The following LRRC7 variants were observed in gnomAD, a reference collection of about 807,000 sequenced individuals.
LRRC7 encodes leucine-rich repeat-containing protein 7.
LRRC7 carries 23 observed loss-of-function variants against 175.7 expected under a neutral mutation model. The ratio of observed to expected loss-of-function variants is 0.13; its 90% CI spans 0.09 to 0.19. The LOEUF (loss-of-function observed/expected upper bound fraction) is 0.19. Ranked by LOEUF, LRRC7 falls within the 10% of genes least tolerant of loss-of-function variation. The pLI, the probability that LRRC7 is intolerant of heterozygous loss-of-function variation, is 1.00. For missense variants in LRRC7, 1,354 were observed against 1,904.7 expected, an observed-to-expected ratio of 0.71 and a Z score of 5.38; for synonymous variants, 685 against 680.9, an observed-to-expected ratio of 1.01 and a Z score of -0.09.
intron 2 of LRRC7, among the ~76,000 whole-genome samples, chr1:69,728,404 C>A (rs1017020120): frequency 5.3e-5 from 8 of 152,084 alleles, no homozygotes; most frequent in Middle Eastern, 6.3e-3. Context: ...AGAAATGAAG[C>A]TACATTAAAG....
intron 25 of LRRC7, among the ~76,000 whole-genome samples, chr1:70,097,043 TA>T (rs1382754794): frequency 6.6e-6 from 1 of 152,252 alleles, no homozygotes; most frequent in Non-Finnish European, 1.5e-5. Context: ...CCTTTTTCTT[TA>T]ACCTATGCCT....
At chr1:69,727,560 A>G (rs1359984086) in intron 2 of LRRC7, among the ~76,000 whole-genome samples, 1 of 152,182 alleles carries the variant, frequency 6.6e-6, no homozygotes, top group Non-Finnish European at 1.5e-5. Flanking sequence ...GTGGATTCCT[A>G]TAGCCACTCC....
rs189431888 is a variant in LRRC7 at position 70,123,684 on chromosome 1, A to G, written c.*1797A>G. On this transcript the variant is annotated 3_prime_UTR_variant, in exon 27 of 27. Transcript: ENST00000651989. Reference sequence around the variant, plus strand: ...TTTCCCAGAAGTAACTTTTAAATGCATTTTAATATATTGAGAGTTTCAGAT... The same window carrying G: ...TTTCCCAGAAGTAACTTTTAAATGCGTTTTAATATATTGAGAGTTTCAGAT... Among the ~76,000 whole-genome samples the G allele has an allele frequency of 3.5e-4, 53 of 152,322 alleles. No individual in the cohort carries two copies. The highest frequency in any genetic ancestry group is 1.2e-3 in the African/African-American group (51 of 41,592).
chr1:69,909,909 A>G (rs985349078), intron 7 of LRRC7, among the ~76,000 whole-genome samples: 5 of 152,158 alleles, frequency 3.3e-5, no homozygotes, highest in Non-Finnish European at 7.3e-5. Context: ...CAGGTACACC[A>G]ATCAGACATA....
At chr1:69,995,317 G>C (rs1213821170) in intron 11 of LRRC7, among the ~76,000 whole-genome samples, 1 of 152,082 alleles carries the variant, frequency 6.6e-6, no homozygotes, top group Non-Finnish European at 1.5e-5. Context: ...AGTAGAGGCT[G>C]TCTTCATTCT....
intron 7 of LRRC7, among the ~76,000 whole-genome samples, chr1:69,840,079 A>G (rs545096915): frequency 6.6e-6 from 1 of 152,192 alleles, no homozygotes; most frequent in East Asian, 1.9e-4. Flanking sequence ...CATATAACTT[A>G]TATAGCTGTT....
intron 23 of LRRC7, among the ~76,000 whole-genome samples, chr1:70,062,478 G>A (rs1661658261): frequency 6.6e-6 from 1 of 151,880 alleles, no homozygotes; most frequent in South Asian, 2.1e-4. Flanking sequence ...CTATACTTGG[G>A]AAAATAAGAC....
intron 7 of LRRC7, among the ~76,000 whole-genome samples, chr1:69,883,244 T>A (rs953103110): frequency 1.3e-5 from 2 of 148,522 alleles, no homozygotes; most frequent in Non-Finnish European, 3.0e-5. Flanking sequence ...TGTAAAAGTG[T>A]TCCTATTTCT....
intron 9 of LRRC7, among the ~76,000 whole-genome samples, chr1:69,984,170 C>T (rs900322732): frequency 6.6e-6 from 1 of 152,152 alleles, no homozygotes; most frequent in Non-Finnish European, 1.5e-5. Flanking sequence ...GTGATCCGCC[C>T]ACCTTGGCCT....
rs74087802 is a variant in LRRC7, at chr1:69,873,508, G to A, written c.647+35225G>A. The A allele has an allele frequency of 1.1e-3, 593 of 533,050 alleles. 1 individual carries two copies. The highest frequency in any genetic ancestry group is 0.011 in the African/African-American group (558 of 51,974). 33.0% of individuals were successfully genotyped at this position (533,050 alleles called of 1,614,324 possible). The stretch of plus-strand genomic sequence containing the variant: ...GTGTGCCCCTTGCCCAATCGCCTGA[G>A]ACTATACAGTGACACCTACAACAGA... On this transcript the variant is annotated intron_variant, in intron 7 of 26. Coordinates refer to ENST00000651989, the MANE Select transcript of LRRC7 (RefSeq NM_001370785.2).
chr1:69,813,826 TA>T (rs1242587587), intron 4 of LRRC7, among the ~76,000 whole-genome samples: 4 of 151,900 alleles, frequency 2.6e-5, no homozygotes, highest in Non-Finnish European at 5.9e-5. Context: ...AGCTGAAAAA[TA>T]GAGATCAGAG....
At chr1:69,907,879 T>C (rs1646375304) in intron 7 of LRRC7, among the ~76,000 whole-genome samples, 1 of 152,016 alleles carries the variant, frequency 6.6e-6, no homozygotes, top group Admixed American at 6.6e-5. Flanking sequence ...CGGCTGTGAA[T>C]CCATCTGGTC....
In LRRC7 at chr1:70,097,115, A is replaced by G. The variant is rs377191650; in HGVS notation, c.4545+7296A>G. Among the ~76,000 whole-genome samples, 5 of 152,362 alleles carry G rather than the reference A, an allele frequency of 3.3e-5. No homozygotes were observed. In the East Asian group the frequency reaches 9.6e-4, roughly 29 times the overall value. On this transcript the variant is annotated intron_variant, in intron 25 of 26. Coordinates refer to ENST00000651989, the MANE Select transcript of LRRC7 (RefSeq NM_001370785.2). ...GCACTGTAAATTTTTAAATAATTAT[A>G]GAAATATTGAGACTAAATATGATTC... is the stretch of plus-strand genomic sequence containing the variant.
intron 26 of LRRC7, among the ~76,000 whole-genome samples, chr1:70,110,460 A>G (rs1361181322): frequency 6.6e-6 from 1 of 152,196 alleles, no homozygotes; most frequent in Admixed American, 6.5e-5. Context: ...ATGAAATTCT[A>G]GAATTATATG....
rs186233653 is a variant in LRRC7 at position 70,054,354 on chromosome 1, A to G, written c.4230+1209A>G. On this transcript the variant is annotated intron_variant, in intron 23 of 26. Coordinates refer to ENST00000651989, the MANE Select transcript of LRRC7 (RefSeq NM_001370785.2). ...GAAAAAGTTTCTGGAAATGGCATAC[A>G]TATGTAATACCATGTTTACAAATCC... Among the ~76,000 whole-genome samples the G allele has an allele frequency of 6.6e-4, 100 of 152,312 alleles. 1 individual carries two copies. The highest frequency in any genetic ancestry group is 2.2e-3 in the African/African-American group (91 of 41,572).
chr1:69,603,853 A>G (rs1647186314), intron 1 of LRRC7, among the ~76,000 whole-genome samples: 1 of 150,704 alleles, frequency 6.6e-6, no homozygotes, highest in Non-Finnish European at 1.5e-5. Context: ...CACAATAACC[A>G]CTCCCGTTTG....
At chr1:69,825,853 T>C in intron 5 of LRRC7, 27 bp downstream of exon 5, 1 of 1,404,520 alleles carries the variant, frequency 7.1e-7, no homozygotes, top group Non-Finnish European at 9.9e-7. Context: ...AAATTTTATT[T>C]GTATTTATAT....
chr1:69,955,929 G>T (rs1650442952), intron 8 of LRRC7, among the ~76,000 whole-genome samples: 1 of 151,888 alleles, frequency 6.6e-6, no homozygotes, highest in Non-Finnish European at 1.5e-5. Context: ...TACTGATGTA[G>T]AACTATATTG....
intron 2 of LRRC7, among the ~76,000 whole-genome samples, chr1:69,692,683 C>T (rs1662037357): frequency 6.6e-6 from 1 of 152,166 alleles, no homozygotes; most frequent in Non-Finnish European, 1.5e-5. Context: ...ATTTATTCAA[C>T]AAATATTGAC....
Sources: gnomAD v4.1 joint callset for allele counts (sites outside exome capture counted in the v4.1 genomes callset) on GRCh38, gnomAD v4.1.1 for gene constraint, MANE v1.5 for transcripts, NCBI Gene and HGNC (gene_info 2026-07-23, HGNC 2026-07-21) for gene names.